The following CTNNBL1 variants were observed in gnomAD, a reference collection of about 807,000 sequenced individuals.
CTNNBL1 encodes the protein catenin beta like 1, also known as beta-catenin-like protein 1.
Under a neutral mutation model 72.7 loss-of-function variants are expected in CTNNBL1, and 31 were observed. The ratio of observed to expected loss-of-function variants is 0.43; its 90% CI spans 0.32 to 0.58. CTNNBL1 has a LOEUF of 0.58. CTNNBL1 is among the 20% of genes least tolerant of loss of function. CTNNBL1 has a pLI of 0.08. For missense variants in CTNNBL1, 534 were observed against 725.1 expected (o/e 0.74, Z 3.03); for synonymous variants, 240 against 267.3 (o/e 0.90, Z 1.00).
chr20:37,824,764 C>G (rs2072143207), intron 11 of CTNNBL1, among the ~76,000 whole-genome samples: 2 of 152,184 alleles, frequency 1.3e-5, no homozygotes, highest in African/African-American at 2.4e-5. Flanking sequence ...TAATGTGCCC[C>G]AAGCACCTAT....
intron 1 of CTNNBL1, among the ~76,000 whole-genome samples, chr20:37,732,678 G>T (rs549523832): frequency 2.0e-5 from 3 of 152,316 alleles, no homozygotes; most frequent in African/African-American, 7.2e-5. Flanking sequence ...GATATTTGCT[G>T]TCTATGCCTT....
chr20:37,749,591 A>AT (rs1295096175), intron 4 of CTNNBL1, among the ~76,000 whole-genome samples: 3 of 151,914 alleles, frequency 2.0e-5, no homozygotes, highest in Non-Finnish European at 4.4e-5. Context: ...CCCTAATGAT[A>AT]TTTTTTAAAA....
chr20:37,789,837 AATG>A (rs1445294717), intron 10 of CTNNBL1, among the ~76,000 whole-genome samples: 1 of 152,246 alleles, frequency 6.6e-6, no homozygotes, highest in Non-Finnish European at 1.5e-5. Flanking sequence ...TTTCCTTGAA[AATG>A]TTGACATGAA....
chr20:37,718,247 C>CG (rs2122571238), intron 1 of CTNNBL1, among the ~76,000 whole-genome samples: 1 of 144,992 alleles, frequency 6.9e-6, no homozygotes, highest in Non-Finnish European at 1.5e-5. Flanking sequence ...CTGACCCCCC[C>CG]ACCTCCCTCC....
intron 1 of CTNNBL1, among the ~76,000 whole-genome samples, chr20:37,718,258 CGG>C (rs2073007065): frequency 6.9e-6 from 1 of 144,074 alleles, no homozygotes; most frequent in African/African-American, 2.7e-5. Flanking sequence ...ACCTCCCTCC[CGG>C]ACGGGGTGGC....
At chr20:37,765,767 A>G (rs2073461918) in intron 6 of CTNNBL1, among the ~76,000 whole-genome samples, 1 of 152,190 alleles carries the variant, frequency 6.6e-6, no homozygotes, top group South Asian at 2.1e-4. Context: ...ACTACCACGT[A>G]AACTGTGATT....
chr20:37,772,242 G>GC (rs765474287), intron 7 of CTNNBL1, among the ~76,000 whole-genome samples: 14 of 152,346 alleles, frequency 9.2e-5, no homozygotes, highest in Middle Eastern at 6.8e-3. Flanking sequence ...CCAGCCAGGA[G>GC]CATCAGCATC....
chr20:37,795,649 G>A (rs1270647946), intron 10 of CTNNBL1, among the ~76,000 whole-genome samples: 1 of 152,090 alleles, frequency 6.6e-6, no homozygotes, highest in Non-Finnish European at 1.5e-5. Context: ...TTTTTCCTCT[G>A]TAGCTGCTCA....
intron 11 of CTNNBL1, among the ~76,000 whole-genome samples, chr20:37,817,347 G>A (rs1315680081): frequency 1.3e-5 from 2 of 152,148 alleles, no homozygotes; most frequent in African/African-American, 4.8e-5. Context: ...TTTGTATTTG[G>A]TAATGTGGGA....
intron 4 of CTNNBL1, 89 bp from the exon 5 acceptor site, chr20:37,757,470 C>A: frequency 2.4e-6 from 2 of 828,058 alleles, no homozygotes; most frequent in Non-Finnish European, 2.0e-6. Flanking sequence ...GGTGATAAAG[C>A]AATTGATGAG....
intron 11 of CTNNBL1, among the ~76,000 whole-genome samples, chr20:37,804,020 G>A (rs2071930092): frequency 6.6e-6 from 1 of 152,120 alleles, no homozygotes; most frequent in African/African-American, 2.4e-5. Context: ...AGGGAAGGTG[G>A]TGTGACCTAC....
intron 15 of CTNNBL1, among the ~76,000 whole-genome samples, chr20:37,869,110 T>TG (rs1448165571): frequency 6.6e-6 from 1 of 152,194 alleles, no homozygotes; most frequent in African/African-American, 2.4e-5. Flanking sequence ...CACTTGCTGT[T>TG]GGAGGTGATG....
intron 11 of CTNNBL1, among the ~76,000 whole-genome samples, chr20:37,824,448 G>T (rs2072140065): frequency 6.6e-6 from 1 of 152,192 alleles, no homozygotes; most frequent in Non-Finnish European, 1.5e-5. Flanking sequence ...AGCTTTGCTT[G>T]GGGTAAACGC....
chr20:37,871,211 G>A (rs2072580933), intron 15 of CTNNBL1, among the ~76,000 whole-genome samples: 1 of 152,188 alleles, frequency 6.6e-6, no homozygotes, highest in Non-Finnish European at 1.5e-5. Flanking sequence ...AAGTTTCCAT[G>A]CAGTGCTGCT....
chr20:37,746,676 G>A (rs1464580420), intron 4 of CTNNBL1, 69 bp downstream of exon 4: 1 of 1,551,632 alleles, frequency 6.4e-7, no homozygotes, highest in South Asian at 1.1e-5. Flanking sequence ...TCTTTCTCCT[G>A]TCTCTCTTTG....
intron 1 of CTNNBL1, among the ~76,000 whole-genome samples, chr20:37,703,936 C>G (rs2072864892): frequency 6.6e-6 from 1 of 152,052 alleles, no homozygotes; most frequent in Non-Finnish European, 1.5e-5. Flanking sequence ...TGCCACCACG[C>G]CTGGCTAATT....
chr20:37,700,625 T>G lies in CTNNBL1; in HGVS notation c.30+6473T>G, dbSNP rs900195682. ...ATGTACTTTTTTGATGCCTTCAGGC[T>G]TAGACATCTCATCAAGAAGTGTGCC... On this transcript the variant is annotated intron_variant, in intron 1 of 15. Coordinates refer to ENST00000361383, the MANE Select transcript of CTNNBL1 (RefSeq NM_030877.5). Among the ~76,000 whole-genome samples the G allele has an allele frequency of 2.6e-5, 4 of 152,232 alleles. No individual in the cohort carries two copies. In the South Asian group the frequency reaches 8.3e-4, roughly 32 times the overall value.
At position 37,803,842 on chromosome 20, in the gene CTNNBL1, C is replaced by T. The variant is rs6021025; in HGVS notation, c.1213+794C>T. ...TGGCTGTTTTCTCAGAAGCAATGTT[C>T]GTCCCATGGTTTAGGAGGCTTTTTT... On this transcript the variant is annotated intron_variant, in intron 11 of 15. Transcript: ENST00000361383. Among the ~76,000 whole-genome samples, 466 of 150,562 alleles carry T rather than the reference C, an allele frequency of 3.1e-3. 5 individuals are homozygous for T. The highest frequency in any genetic ancestry group is 0.01 in the African/African-American group (415 of 41,106).
chr20:37,865,858 G>A (rs2072532682), intron 15 of CTNNBL1, among the ~76,000 whole-genome samples: 1 of 152,226 alleles, frequency 6.6e-6, no homozygotes, highest in African/African-American at 2.4e-5. Context: ...CGAAAAGAAT[G>A]AGCCAGAAAC....
Sources: gnomAD v4.1 joint callset for allele counts (sites outside exome capture counted in the v4.1 genomes callset) on GRCh38, gnomAD v4.1.1 for gene constraint, MANE v1.5 for transcripts, NCBI Gene and HGNC (gene_info 2026-07-23, HGNC 2026-07-21) for gene names.